Variants in RIMBP2 observed in about 807,000 individuals in gnomAD.
RIMBP2 encodes RIMS binding protein 2, also known as RIMS-binding protein 2.
In RIMBP2, 48 loss-of-function variants were observed where a neutral mutation model predicts 118.6. The observed-to-expected ratio is 0.40, with a 90% CI of 0.32 to 0.51. RIMBP2 has a LOEUF of 0.51. Among genes scored for constraint, RIMBP2 ranks in the 20% least tolerant of loss-of-function variants. RIMBP2 has a pLI of 0.41. For missense variants in RIMBP2, 1,551 were observed against 1,768.3 expected (o/e 0.88, Z 2.20); for synonymous variants, 762 against 742.9 (o/e 1.03, Z -0.42).
At chr12:130,563,081 T>C (rs2056941566) in intron 2 of RIMBP2, among the ~76,000 whole-genome samples, 1 of 152,236 alleles carries the variant, frequency 6.6e-6, no homozygotes. Context: ...CTGCATAAAA[T>C]GTATCTGCTA....
intron 2 of RIMBP2, among the ~76,000 whole-genome samples, chr12:130,533,168 C>T (rs10848136): frequency 0.075 from 11,197 of 149,112 alleles, 465 homozygotes; most frequent in East Asian, 0.23. Flanking sequence ...CTAGGAGTTA[C>T]GTCTAATGAG....
chr12:130,447,368 G>A lies in RIMBP2; in HGVS notation c.582-2099C>T, dbSNP rs34358920. On this transcript the variant is annotated intron_variant, in intron 9 of 22. Transcript: ENST00000690449. The surrounding 1 kb of genome is among the most constrained non-coding windows in gnomAD (Gnocchi z 4.4). ...TGGGCCCTGGAGGCCACCCGACCTC[G>A]TGGGTGTTCAGGGCAGACGCTGCCA... Among the ~76,000 whole-genome samples, 13,184 of 152,240 alleles carry A rather than the reference G, an allele frequency of 0.087. 728 individuals carry two copies. Among genetic ancestry groups the A allele is most frequent in the South Asian group, 0.16 (749 of 4,808 alleles).
intron 5 of RIMBP2, 141 bp downstream of exon 5, chr12:130,478,769 ACT>A: frequency 4.9e-6 from 3 of 616,254 alleles, no homozygotes; most frequent in East Asian, 5.6e-5. Context: ...AGCAGAAATG[ACT>A]CTGAATTCTT....
intron 2 of RIMBP2, among the ~76,000 whole-genome samples, chr12:130,587,746 G>C (rs1195078172): frequency 7.3e-6 from 1 of 137,004 alleles, no homozygotes; most frequent in African/African-American, 2.8e-5. Context: ...GAGTTAGTGG[G>C]TGCAGCGCAC....
chr12:130,554,041 T>A (rs2056098172), intron 2 of RIMBP2, among the ~76,000 whole-genome samples: 1 of 152,180 alleles, frequency 6.6e-6, no homozygotes, highest in Non-Finnish European at 1.5e-5. Context: ...GTGTTCCGAG[T>A]TTGGAGCACA....
chr12:130,467,793 T>A (rs528618635), intron 6 of RIMBP2, among the ~76,000 whole-genome samples: 1 of 152,262 alleles, frequency 6.6e-6, no homozygotes, highest in Non-Finnish European at 1.5e-5. Flanking sequence ...CTAAAATGTA[T>A]AAAAGCAAGC....
chr12:130,643,657 G>A (rs988507271), intron 1 of RIMBP2, among the ~76,000 whole-genome samples: 19 of 152,342 alleles, frequency 1.2e-4, no homozygotes, highest in Middle Eastern at 3.4e-3. Context: ...TGCACTCTGC[G>A]GAGGCGGGGA....
At position 130,412,724 on chromosome 12, in the gene RIMBP2, T is replaced by G. The variant is rs760713679; in HGVS notation, c.3484A>C (p.Ile1162Leu). Residue 1162 changes from isoleucine (I) to leucine (L), a missense_variant, in exon 19 of 23, where the codon ATT (isoleucine) becomes CTT (leucine). Physicochemically the swap from Ile to Leu is conservative, Grantham distance 5 (BLOSUM62 2). Around this residue, in one of 5 missense-constraint regions of RIMBP2, gnomAD observed 1,038 missense variants for 1,125.1 expected, o/e 0.92. Coordinates refer to ENST00000690449, the MANE Select transcript of RIMBP2 (RefSeq NM_001393629.1). ...ATCTCAGAGACCATGTTACAAGGAA[T>G]AAGGCCAAGCCGGGCACAGGTTTCC... ...RGETCARLGL[I>L]PCNMVSEIQA... 41 of 1,613,718 alleles carry G rather than the reference T, an allele frequency of 2.5e-5. No individual in the cohort carries two copies. Among genetic ancestry groups the G allele is most frequent in the Non-Finnish European group, 3.5e-5 (41 of 1,179,970 alleles).
At chr12:130,579,764 C>A (rs2058336540) in intron 2 of RIMBP2, among the ~76,000 whole-genome samples, 1 of 151,922 alleles carries the variant, frequency 6.6e-6, no homozygotes, top group Non-Finnish European at 1.5e-5. Flanking sequence ...GTGGACCCAG[C>A]AATGGTCGTG....
chr12:130,610,550 G>GTTTTTT (rs2060464137), intron 2 of RIMBP2, among the ~76,000 whole-genome samples: 1 of 96,104 alleles, frequency 1.0e-5, no homozygotes, highest in African/African-American at 3.9e-5. Context: ...TAATTTTCCT[G>GTTTTTT]CTTTTTTTTT....
intron 4 of RIMBP2, among the ~76,000 whole-genome samples, chr12:130,480,198 TACACACACACACACAC>T (rs10580090): frequency 2.0e-4 from 25 of 128,180 alleles, no homozygotes; most frequent in African/African-American, 8.0e-4. Flanking sequence ...TTTCCTTTCA[TACACACACACACACAC>T]ACACACACAC....
At chr12:130,456,843 G>A (rs1017712223) in intron 6 of RIMBP2, 143 bp from the exon 7 acceptor site, 1 of 625,366 alleles carries the variant, frequency 1.6e-6, no homozygotes, top group African/African-American at 1.8e-5. Context: ...GAAAATGCAT[G>A]TGTGGTTGAG....
chr12:130,440,691 T>A (rs1270092085), intron 11 of RIMBP2, among the ~76,000 whole-genome samples: 2 of 152,124 alleles, frequency 1.3e-5, no homozygotes, highest in Non-Finnish European at 2.9e-5. Context: ...CTTGATCAAC[T>A]CCGGGCAGTT....
At chr12:130,463,262 G>A (rs2080166172) in intron 6 of RIMBP2, among the ~76,000 whole-genome samples, 1 of 152,240 alleles carries the variant, frequency 6.6e-6, no homozygotes, top group African/African-American at 2.4e-5. Flanking sequence ...CCCGGCTGCA[G>A]GGATGCAGGG....
chr12:130,640,833 C>T, intron 1 of RIMBP2, among the ~76,000 whole-genome samples: 1 of 152,234 alleles, frequency 6.6e-6, no homozygotes, highest in East Asian at 1.9e-4. Flanking sequence ...AGAGAGGCAG[C>T]TGCTCTGGGC....
chr12:130,564,193 C>T (rs904362742), intron 2 of RIMBP2, among the ~76,000 whole-genome samples: 3 of 148,758 alleles, frequency 2.0e-5, no homozygotes, highest in Non-Finnish European at 4.4e-5. Flanking sequence ...TCCTCTTCTC[C>T]CAGGTGCCCA....
intron 6 of RIMBP2, chr12:130,466,421 G>T (rs532631512): frequency 6.6e-6 from 1 of 152,114 alleles, no homozygotes; most frequent in Non-Finnish European, 1.5e-5. Context: ...GAGCAACCAA[G>T]AAAAAAGACA....
At position 130,710,175 on chromosome 12, in the gene RIMBP2, C is replaced by T. The variant is rs547501740; in HGVS notation, c.-352+6047G>A. Among the ~76,000 whole-genome samples, 10 of 152,274 alleles carry T rather than the reference C, an allele frequency of 6.6e-5. No homozygotes were observed. In the East Asian group the frequency reaches 1.7e-3, roughly 27 times the overall value. On this transcript the variant is annotated intron_variant, in intron 1 of 22. Coordinates refer to ENST00000690449, the MANE Select transcript of RIMBP2 (RefSeq NM_001393629.1). The surrounding 1 kb of genome is among the most constrained non-coding windows in gnomAD (Gnocchi z 4.3). ...ACATACCTATGAGAATCAAAGCCAC[C>T]GAGCAGCTCGCAGATCCATTCCTCC...
intron 1 of RIMBP2, among the ~76,000 whole-genome samples, chr12:130,712,260 T>G (rs1053626463): frequency 6.6e-6 from 1 of 152,238 alleles, no homozygotes; most frequent in East Asian, 1.9e-4. Flanking sequence ...CTTCGTTGCC[T>G]TATACATTTC....
Sources: gnomAD v4.1 joint callset for allele counts (sites outside exome capture counted in the v4.1 genomes callset) on GRCh38, gnomAD v4.1.1 for gene constraint, gnomAD v4.1.1 regional missense constraint, Gnocchi (gnomAD v3.1) non-coding constraint, MANE v1.5 for transcripts, NCBI Gene and HGNC (gene_info 2026-07-23, HGNC 2026-07-21) for gene names.